PARN: variants seen among roughly 807,000 people sequenced by gnomAD.
PARN encodes the protein poly(A)-specific ribonuclease, also known as poly(A)-specific ribonuclease PARN.
PARN carries 71 observed loss-of-function variants against 102.8 expected under a neutral mutation model. The observed-to-expected ratio is 0.69, with a 90% CI of 0.57 to 0.84. PARN has a LOEUF of 0.84. Ranked by LOEUF, PARN falls within the 40% of genes least tolerant of loss-of-function variation. The pLI is 0.00. For synonymous variants in PARN, 261 were observed against 252.9 expected (o/e 1.03, Z -0.30); for missense variants, 782 against 760.9 (o/e 1.03, Z -0.33).
At chr16:14,608,376 G>C in intron 8 of PARN, 57 bp from the exon 9 acceptor site, 1 of 1,073,310 alleles carries the variant, frequency 9.3e-7, no homozygotes, top group Non-Finnish European at 1.4e-6. Context: ...AATCCAAACT[G>C]ATCAAGCATT....
intron 13 of PARN, among the ~76,000 whole-genome samples, chr16:14,590,399 C>T (rs1429963160): frequency 3.3e-5 from 5 of 151,558 alleles, no homozygotes; most frequent in Admixed American, 2.6e-4. Context: ...CTTTGGGAGG[C>T]GGAGGCGGGT....
intron 18 of PARN, among the ~76,000 whole-genome samples, chr16:14,579,275 G>A (rs1969355952): frequency 6.6e-6 from 1 of 152,156 alleles, no homozygotes; most frequent in African/African-American, 2.4e-5. Context: ...GCCCAGCTAA[G>A]CTTTTTAATC....
chr16:14,529,554 G>A (rs190029836), intron 21 of PARN, among the ~76,000 whole-genome samples: 46 of 152,088 alleles, frequency 3.0e-4, no homozygotes, highest in Middle Eastern at 3.4e-3. Flanking sequence ...AGCCCACTGC[G>A]CCCTATGAAA....
At position 14,436,588 on chromosome 16, in the gene PARN, G is replaced by T. The variant is rs1960707688; in HGVS notation, c.*129C>A. On this transcript the variant is annotated 3_prime_UTR_variant, in exon 24 of 24. Transcript: ENST00000437198. The stretch of plus-strand genomic sequence containing the variant: ...ATAAAACCTGTTTTCTCCCCCCCAG[G>T]AGACAACTTGGTTTCCAACCCCTCC... The T allele has an allele frequency of 1.8e-5, 12 of 659,648 alleles. No homozygotes were observed. In the Admixed American group the frequency reaches 3.0e-4, roughly 17 times the overall value. The allele number at this position is 659,648 out of a possible 1,614,324, so 40.9% of individuals were successfully genotyped here.
In PARN at chr16:14,552,071, T is replaced by C. The variant is rs750925651; in HGVS notation, c.1430A>G (p.Asp477Gly). The C allele has an allele frequency of 5.0e-6, 8 of 1,611,486 alleles. No individual in the cohort carries two copies. Among genetic ancestry groups the C allele is most frequent in the African/African-American group, 1.3e-5 (1 of 74,870 alleles). ...AFGNIQISWI[D>G]DTSAFVSLSQ... ...AAGGGAAACAAATGCTGATGTGTCA[T>C]CAATCCAGGATATCTGAATGTTACC... The change falls in exon 21 of 24, where the codon GAT becomes GGT. Residue 477 changes from aspartate (D) to glycine (G), a missense_variant. By Grantham distance (94) the Asp-to-Gly change is moderately conservative. Transcript: ENST00000437198.
At position 14,564,472 on chromosome 16, in the gene PARN, G is replaced by A. The variant is rs143541319; in HGVS notation, c.1263-8763C>T. The stretch of plus-strand genomic sequence containing the variant: ...AAAGGACAACCTTCCCACGACTGTA[G>A]TGCAAAGCAAGCTGCTACCTGGGCA... On this transcript the variant is annotated intron_variant, in intron 18 of 23. Transcript: ENST00000437198. Among the ~76,000 whole-genome samples the A allele has an allele frequency of 8.2e-3, 1,245 of 152,316 alleles. 22 individuals carry two copies. Among genetic ancestry groups the A allele is most frequent in the African/African-American group, 0.028 (1,169 of 41,556 alleles).
In PARN at chr16:14,612,214, G is replaced by A. The variant is rs564431798; in HGVS notation, c.389-1405C>T. ...ACCACTTTGAGAGGCCGAGGCGGGCGGATCACAAGTTCAAAAGATGGAGAC... is the reference window on the plus strand; with the variant it reads ...ACCACTTTGAGAGGCCGAGGCGGGCAGATCACAAGTTCAAAAGATGGAGAC... On this transcript the variant is annotated intron_variant, in intron 6 of 23. Transcript: ENST00000437198. Among the ~76,000 whole-genome samples the A allele has an allele frequency of 2.2e-4, 34 of 152,146 alleles. 2 individuals are homozygous for A. In the South Asian group the frequency reaches 3.5e-3, roughly 16 times the overall value.
At chr16:14,464,889 T>G (rs552916269) in intron 22 of PARN, among the ~76,000 whole-genome samples, 2 of 152,136 alleles carry the variant, frequency 1.3e-5, no homozygotes, top group Non-Finnish European at 2.9e-5. Flanking sequence ...ATACCTCATC[T>G]CTAAAGAAAT....
intron 22 of PARN, among the ~76,000 whole-genome samples, chr16:14,462,675 GAA>G (rs1224216370): frequency 6.7e-6 from 1 of 148,594 alleles, no homozygotes; most frequent in Non-Finnish European, 1.5e-5. Context: ...AAGAAGAAAA[GAA>G]AAAAGAGGCT....
intron 22 of PARN, among the ~76,000 whole-genome samples, chr16:14,462,926 G>A (rs1024318545): frequency 6.6e-6 from 1 of 152,232 alleles, no homozygotes; most frequent in Non-Finnish European, 1.5e-5. Context: ...GGAAACTAAC[G>A]AGGTGAACCC....
intron 21 of PARN, among the ~76,000 whole-genome samples, chr16:14,506,845 T>G (rs1341205374): frequency 6.1e-5 from 9 of 148,490 alleles, no homozygotes; most frequent in Non-Finnish European, 3.0e-5. Flanking sequence ...AGAAAAAGAG[T>G]GGGAGAAAAT....
chr16:14,524,520 C>A (rs749658992), intron 21 of PARN, among the ~76,000 whole-genome samples: 4 of 152,176 alleles, frequency 2.6e-5, no homozygotes, highest in African/African-American at 4.8e-5. Context: ...AAACTGCTTG[C>A]AAGCATTCGA....
At chr16:14,452,788 ATATG>A (rs1242157476) in intron 22 of PARN, among the ~76,000 whole-genome samples, 3 of 152,234 alleles carry the variant, frequency 2.0e-5, no homozygotes, top group Non-Finnish European at 4.4e-5. Context: ...TTCTGTATCT[ATATG>A]TATGTAAGAC....
chr16:14,514,568 A>C (rs889971449), intron 21 of PARN, among the ~76,000 whole-genome samples: 6 of 152,196 alleles, frequency 3.9e-5, no homozygotes, highest in Non-Finnish European at 8.8e-5. Flanking sequence ...GGTGAGGGAG[A>C]CTGAATCACT....
chr16:14,559,429 A>C (rs796483265), intron 18 of PARN, among the ~76,000 whole-genome samples: 5 of 150,702 alleles, frequency 3.3e-5, no homozygotes, highest in African/African-American at 1.2e-4. Flanking sequence ...TTTAATTTTT[A>C]TGAGTATACA....
intron 21 of PARN, among the ~76,000 whole-genome samples, chr16:14,525,959 C>T (rs1056647899): frequency 2.6e-5 from 4 of 151,896 alleles, no homozygotes; most frequent in Admixed American, 1.3e-4. Flanking sequence ...GCTAGGATTA[C>T]AGGTGTGCAC....
At chr16:14,549,475 A>G (rs879549218) in intron 21 of PARN, among the ~76,000 whole-genome samples, 4 of 152,160 alleles carry the variant, frequency 2.6e-5, no homozygotes, top group Admixed American at 6.5e-5. Flanking sequence ...ATGGCTACAC[A>G]TGATTCTGAA....
intron 22 of PARN, among the ~76,000 whole-genome samples, chr16:14,479,229 G>C (rs1049885120): frequency 6.6e-6 from 1 of 152,024 alleles, no homozygotes; most frequent in African/African-American, 2.4e-5. Flanking sequence ...GACCAGCTTG[G>C]GCAACACAGT....
intron 23 of PARN, among the ~76,000 whole-genome samples, chr16:14,439,656 G>GA (rs975524476): frequency 3.9e-5 from 6 of 152,118 alleles, no homozygotes; most frequent in African/African-American, 9.7e-5. Context: ...AATCCAAGGG[G>GA]AAAAATCTGA....
Sources: allele counts gnomAD v4.1 joint callset (sites outside exome capture counted in the v4.1 genomes callset), GRCh38; gene constraint gnomAD v4.1.1; transcripts MANE v1.5; gene names NCBI Gene and HGNC (gene_info 2026-07-23, HGNC 2026-07-21).